ZNF683: variants seen among roughly 807,000 people sequenced by gnomAD.
The protein encoded by ZNF683 is tissue-resident T-cell transcription regulator protein ZNF683.
ZNF683 carries 20 observed loss-of-function variants against 31.4 expected under a neutral mutation model. The observed-to-expected ratio is 0.64, with a 90% CI of 0.45 to 0.93. The LOEUF is 0.93. ZNF683 is among the 40% of genes least tolerant of loss of function. The pLI, the probability that ZNF683 is intolerant of heterozygous loss-of-function variation, is 0.00. For missense variants in ZNF683, 621 were observed against 637.2 expected (o/e 0.97, Z 0.27); for synonymous variants, 264 against 267.6 (o/e 0.99, Z 0.13).
intron 5 of ZNF683, 124 bp downstream of exon 5, chr1:26,362,901 TC>T: frequency 7.6e-7 from 1 of 1,311,040 alleles, no homozygotes; most frequent in Non-Finnish European, 1.0e-6. Context: ...CAATTTTCAC[TC>T]CCCCTTCCCA....
chr1:26,374,230 G>C (rs1570281635), upstream of ZNF683: 2 of 1,302,846 alleles, frequency 1.5e-6, no homozygotes, highest in Non-Finnish European at 2.0e-6. Flanking sequence ...AGGGAAGTGA[G>C]GGGCACCGAG....
intron 4 of ZNF683, 110 bp downstream of exon 4, chr1:26,364,422 G>C (rs2074462604): frequency 7.3e-6 from 9 of 1,226,558 alleles, no homozygotes; most frequent in Non-Finnish European, 1.1e-5. Context: ...CCTAGAGGTT[G>C]CCCAGGAGTG....
Position 26,367,627 on chromosome 1 carries a change from G to T in ZNF683, c.285C>A (p.Asp95Glu), listed in dbSNP as rs112648405. The T allele has an allele frequency of 9.0e-3, 14,430 of 1,611,316 alleles. 288 individuals carry two copies. Among genetic ancestry groups the T allele is most frequent in the African/African-American group, 0.084 (6,258 of 74,932 alleles). ...AGGCGTCCTCTTGGAGGCCCTGCAGGTCTGTGCCCAGGGGTGCCGGCTGTG... is the reference window on the plus strand; with the variant it reads ...AGGCGTCCTCTTGGAGGCCCTGCAGTTCTGTGCCCAGGGGTGCCGGCTGTG... ...CTPQPAPLGT[D>E]LQGLQEDALS... Residue 95 changes from aspartate (D) to glutamate (E), a missense_variant, in exon 3 of 6, where the codon GAC (aspartate) becomes GAA (glutamate). Physicochemically the swap from Asp to Glu is conservative, Grantham distance 45 (BLOSUM62 2). Transcript: ENST00000349618.
chr1:26,370,747 C>A, intron 1 of ZNF683: 3 of 985,160 alleles, frequency 3.0e-6, no homozygotes, highest in Non-Finnish European at 3.6e-6. Context: ...GTGGCTGAGG[C>A]CCCAGTGGGA....
chr1:26,363,108 A>G lies in ZNF683; in HGVS notation c.1061T>C (p.Leu354Ser). The change falls in exon 5 of 6, where the codon TTG becomes TCG. Residue 354 changes from leucine (L) to serine (S), a missense_variant. By Grantham distance (145) the Leu-to-Ser change is moderately radical. Coordinates refer to ENST00000349618, the MANE Select transcript of ZNF683 (RefSeq NM_001114759.3). Reference sequence around the variant, plus strand: ...AAGTTGAGTGAAGCTCTTCTGGCACAAGGCACACTGGAATGGACGCTCTCC... The same window carrying G: ...AAGTTGAGTGAAGCTCTTCTGGCACGAGGCACACTGGAATGGACGCTCTCC... ...HSGERPFQCALCQKSFTQLAH... is the reference protein window; with the variant it reads ...HSGERPFQCASCQKSFTQLAH... The G allele has an allele frequency of 6.2e-7, 1 of 1,612,888 alleles. No homozygotes were observed. The highest frequency in any genetic ancestry group is 8.5e-7 in the Non-Finnish European group (1 of 1,179,434).
Position 26,365,083 on chromosome 1 carries a change from T to C in ZNF683, c.463A>G (p.Ser155Gly). The C allele has an allele frequency of 6.2e-7, 1 of 1,607,152 alleles. No homozygotes were observed. Residue 155 changes from serine to glycine, a missense_variant, in exon 4 of 6, where the codon AGC becomes GGC. By Grantham distance (56) the Ser-to-Gly change is moderately conservative. Transcript: ENST00000349618. ...APCPAFSSHN[S>G]SSPPPLQNRK... The stretch of plus-strand genomic sequence containing the variant: ...TTCTGCAGCGGTGGTGGGGAAGAGC[T>C]GTTATGAGAGGAGAAGGCTGGGCAG...
In ZNF683 at chr1:26,364,853, C is replaced by CA. The variant is rs1487162745; in HGVS notation, c.692dup (p.Met231IlefsTer5). The CA allele has an allele frequency of 6.4e-7, 1 of 1,562,468 alleles. No individual in the cohort carries two copies. Among genetic ancestry groups the CA allele is most frequent in the South Asian group, 1.2e-5 (1 of 81,784 alleles). On this transcript the variant is annotated frameshift_variant, in exon 4 of 6. Coordinates refer to ENST00000349618, the MANE Select transcript of ZNF683 (RefSeq NM_001114759.3). LOFTEE classifies it high-confidence loss of function. ...CCATCATCAGCAGGCTAGGCATAGCCATGGTGGGGTAGGAGGGGTCTTGGG... is the reference window on the plus strand; with the variant it reads ...CCATCATCAGCAGGCTAGGCATAGCCAATGGTGGGGTAGGAGGGGTCTTGGG...
chr1:26,370,659 G>A (rs1397066798), intron 1 of ZNF683: 8 of 985,698 alleles, frequency 8.1e-6, no homozygotes, highest in Non-Finnish European at 9.6e-6. Flanking sequence ...GCTGCTGGCT[G>A]TGGGGCTCTC....
At chr1:26,372,952 C>T (rs1048240373), upstream of ZNF683, among the ~76,000 whole-genome samples, 121 of 152,006 alleles carry the variant, frequency 8.0e-4, 2 homozygotes, top group African/African-American at 2.8e-3. Context: ...ATTTCCTTGC[C>T]AAGCCGAGTC....
At chr1:26,368,728 A>C in intron 1 of ZNF683, 143 bp from the exon 2 acceptor site, 6 of 919,668 alleles carry the variant, frequency 6.5e-6, no homozygotes, top group East Asian at 3.2e-5. Context: ...TATCCGCAAA[A>C]TGGGAAGGTT....
intron 1 of ZNF683, among the ~76,000 whole-genome samples, chr1:26,369,120 C>A (rs2074602247): frequency 6.6e-6 from 1 of 151,812 alleles, no homozygotes; most frequent in South Asian, 2.1e-4. Flanking sequence ...TGGTGCATGC[C>A]TATAATCCCA....
Position 26,361,889 on chromosome 1 carries a change from C to G in ZNF683, c.1277G>C (p.Arg426Pro). 6.2e-7 allele frequency: 1 copy of G among 1,613,936 alleles called. No individual in the cohort carries two copies. The highest frequency in any genetic ancestry group is 8.5e-7 in the Non-Finnish European group (1 of 1,179,896). Residue 426 changes from arginine (R) to proline (P), a missense_variant, in exon 6 of 6, where the codon CGG becomes CCG. By Grantham distance (103) the Arg-to-Pro change is moderately radical. Coordinates refer to ENST00000349618, the MANE Select transcript of ZNF683 (RefSeq NM_001114759.3). ...TQHIHLKLHH[R>P]LHAPQPCGLV... is the part of the protein sequence containing the mutation. ...GCCACAGGGCTGTGGGGCATGCAGC[C>G]GATGGTGCAGCTTCAGGTGGATGTG...
chr1:26,369,175 G>A (rs1488345006), intron 1 of ZNF683, among the ~76,000 whole-genome samples: 1 of 151,864 alleles, frequency 6.6e-6, no homozygotes, highest in African/African-American at 2.4e-5. Context: ...AACCTGGGAG[G>A]TGGAGGTTGC....
At position 26,372,528 on chromosome 1, in the gene ZNF683, C is replaced by T. The variant is rs112912860; in HGVS notation, c.-15+141G>A. 1.6e-4 allele frequency: 211 copies of T among 1,304,870 alleles called. 2 individuals carry two copies. The African/African-American group carries it at 2.0e-3, about 12-fold the overall frequency. 80.8% of individuals were successfully genotyped at this position (1,304,870 alleles called of 1,614,324 possible). Reference sequence around the variant, plus strand: ...ATGTCCCCACCCAGAAGGGGTGACCCGCACACCTTTGGCTTCCATCTGCCA... The same window carrying T: ...ATGTCCCCACCCAGAAGGGGTGACCTGCACACCTTTGGCTTCCATCTGCCA... On this transcript the variant is annotated intron_variant, in intron 1 of 5. Transcript: ENST00000349618.
At chr1:26,369,670 A>AAAAAAAAAAAAAAAAGAAAG in intron 1 of ZNF683, among the ~76,000 whole-genome samples, 1 of 150,608 alleles carries the variant, frequency 6.6e-6, no homozygotes, top group Non-Finnish European at 1.5e-5. Context: ...TTTGTCTCCA[A>AAAAAAAAAAAAAAAAGAAAG]AAAAAAAAAA....
chr1:26,366,342 CAAAAAAAAA>C (rs1173737722), intron 3 of ZNF683, among the ~76,000 whole-genome samples: 2 of 68,986 alleles, frequency 2.9e-5, no homozygotes, highest in Non-Finnish European at 6.0e-5. Context: ...CAGCCTATCT[CAAAAAAAAA>C]AAAAAAAAAA....
Position 26,363,095 on chromosome 1 carries a change from G to A in ZNF683, c.1074C>T (p.Ser358=), listed in dbSNP as rs137876417. 2.5e-6 allele frequency: 4 copies of A among 1,612,750 alleles called. No individual in the cohort carries two copies. In the African/African-American group the frequency reaches 4.0e-5, roughly 16 times the overall value. ...RPFQCALCQK[S]FTQLAHLQKH... The stretch of plus-strand genomic sequence containing the variant: ...TCTGCAGGTGGGCAAGTTGAGTGAA[G>A]CTCTTCTGGCACAAGGCACACTGGA... Residue 358 remains serine (S), a synonymous_variant, in exon 5 of 6, where the codon AGC becomes AGT. Transcript: ENST00000349618.
intron 3 of ZNF683, among the ~76,000 whole-genome samples, chr1:26,365,436 C>A (rs982404076): frequency 1.1e-4 from 17 of 152,186 alleles, no homozygotes; most frequent in Admixed American, 9.2e-4. Flanking sequence ...GATGGATAAA[C>A]TGGGTTGGAG....
At chr1:26,367,877 G>T in intron 2 of ZNF683, 80 bp from the exon 3 acceptor site, 1 of 1,185,038 alleles carries the variant, frequency 8.4e-7, no homozygotes, top group Non-Finnish European at 1.1e-6. Flanking sequence ...CCCCTATTTT[G>T]TTTTCCAAAG....
Sources: gnomAD v4.1 joint callset for allele counts (sites outside exome capture counted in the v4.1 genomes callset) on GRCh38, gnomAD v4.1.1 for gene constraint, MANE v1.5 for transcripts, NCBI Gene and HGNC (gene_info 2026-07-23, HGNC 2026-07-21) for gene names.